Variants in PDE10A observed in about 807,000 individuals in gnomAD.
The protein encoded by PDE10A is cAMP and cAMP-inhibited cGMP 3',5'-cyclic phosphodiesterase 10A.
A neutral mutation model predicts 97.7 loss-of-function variants in PDE10A; 39 were observed. That is an observed-to-expected ratio of 0.40 (90% CI 0.31 to 0.52). The LOEUF is 0.52. Among genes scored for constraint, PDE10A ranks in the 20% least tolerant of loss-of-function variants. The probability of loss-of-function intolerance (pLI) is 0.56; values close to 1 mark genes in which losing one functional copy is unlikely to be tolerated. For missense variants in PDE10A, 731 were observed against 1,047.8 expected, an observed-to-expected ratio of 0.70 and a Z score of 4.17; for synonymous variants, 371 against 376.8, an observed-to-expected ratio of 0.98 and a Z score of 0.18.
chr6:165,879,406 C>T (rs1781419947), intron 1 of PDE10A, among the ~76,000 whole-genome samples: 2 of 152,360 alleles, frequency 1.3e-5, no homozygotes, highest in South Asian at 4.1e-4. Context: ...CAACCAACCT[C>T]TGTGTCTGTT....
At chr6:165,966,548 A>G (rs2043119866) in intron 1 of PDE10A, among the ~76,000 whole-genome samples, 1 of 152,242 alleles carries the variant, frequency 6.6e-6, no homozygotes, top group South Asian at 2.1e-4. Context: ...TGGGAAGCCC[A>G]CTTGCTTTTT....
chr6:165,797,952 A>C (rs1054950324), intron 1 of PDE10A, among the ~76,000 whole-genome samples: 2 of 152,198 alleles, frequency 1.3e-5, no homozygotes, highest in African/African-American at 4.8e-5. Flanking sequence ...AGCAGATTAG[A>C]TAGAACAACA....
chr6:165,727,984 T>C (rs1792340977), intron 1 of PDE10A, among the ~76,000 whole-genome samples: 1 of 152,200 alleles, frequency 6.6e-6, no homozygotes, highest in Admixed American at 6.5e-5. Context: ...TGTTTTTGTG[T>C]TAAGAAAGAC....
At chr6:165,415,897 G>GA (rs901632049) in intron 12 of PDE10A, among the ~76,000 whole-genome samples, 5 of 151,862 alleles carry the variant, frequency 3.3e-5, no homozygotes, top group East Asian at 3.9e-4. Context: ...CACTATAATG[G>GA]AAAAAAAATC....
chr6:165,752,755 C>T (rs1301681350), intron 1 of PDE10A, among the ~76,000 whole-genome samples: 1 of 152,132 alleles, frequency 6.6e-6, no homozygotes, highest in Non-Finnish European at 1.5e-5. Flanking sequence ...TTACAAAATG[C>T]TCATGTATTG....
At chr6:165,611,461 G>A (rs533366292) in intron 1 of PDE10A, among the ~76,000 whole-genome samples, 1 of 152,336 alleles carries the variant, frequency 6.6e-6, no homozygotes, top group South Asian at 2.1e-4. Context: ...TCAATGAGTG[G>A]ATACAAGCAT....
intron 1 of PDE10A, among the ~76,000 whole-genome samples, chr6:165,736,332 G>C (rs1476312210): frequency 6.6e-6 from 1 of 152,156 alleles, no homozygotes; most frequent in Non-Finnish European, 1.5e-5. Context: ...AAGGAATCCA[G>C]GTGAGAAATA....
chr6:165,806,275 C>G (rs1245483231), intron 1 of PDE10A, among the ~76,000 whole-genome samples: 1 of 152,128 alleles, frequency 6.6e-6, no homozygotes, highest in Non-Finnish European at 1.5e-5. Context: ...CAGAGAATGA[C>G]TTCCACATGG....
intron 1 of PDE10A, among the ~76,000 whole-genome samples, chr6:165,705,871 G>T (rs570047600): frequency 6.6e-6 from 1 of 152,306 alleles, no homozygotes; most frequent in Admixed American, 6.5e-5. Context: ...AGCTAAGATT[G>T]CTTTTAATAA....
At chr6:165,902,967 C>A (rs1482356343) in intron 1 of PDE10A, among the ~76,000 whole-genome samples, 3 of 152,176 alleles carry the variant, frequency 2.0e-5, no homozygotes, top group Non-Finnish European at 1.5e-5. Flanking sequence ...TATATGTGGC[C>A]TATTTGTTAC....
At chr6:165,701,773 T>TTGCGTGTGTGTGTG (rs1198029152) in intron 1 of PDE10A, among the ~76,000 whole-genome samples, 17 of 149,922 alleles carry the variant, frequency 1.1e-4, no homozygotes, top group African/African-American at 4.2e-4. Context: ...GTGTGTATGT[T>TTGCGTGTGTGTGTG]TGCGTGTGTG....
intron 1 of PDE10A, chr6:165,718,320 G>A (rs1792078917): frequency 6.6e-6 from 1 of 152,184 alleles, no homozygotes; most frequent in Admixed American, 6.5e-5. Context: ...TTTAGTAAAT[G>A]TGCTGCTAGA....
intron 1 of PDE10A, among the ~76,000 whole-genome samples, chr6:165,905,408 G>C (rs374482782): frequency 1.3e-5 from 2 of 151,886 alleles, no homozygotes; most frequent in South Asian, 2.1e-4. Flanking sequence ...TAAAAATCTC[G>C]ATCTTTTATA....
At chr6:165,809,410 T>A (rs1779220954) in intron 1 of PDE10A, among the ~76,000 whole-genome samples, 1 of 152,188 alleles carries the variant, frequency 6.6e-6, no homozygotes, top group African/African-American at 2.4e-5. Flanking sequence ...GGGCTTTGCA[T>A]CCTCCTCACA....
At chr6:165,473,885 G>A (rs1472404154) in intron 3 of PDE10A, among the ~76,000 whole-genome samples, 1 of 152,114 alleles carries the variant, frequency 6.6e-6, no homozygotes, top group Non-Finnish European at 1.5e-5. Context: ...TCTGGTCAGT[G>A]GTTTAACAAT....
At chr6:165,452,206 C>A (rs1023031697) in intron 3 of PDE10A, among the ~76,000 whole-genome samples, 3 of 152,168 alleles carry the variant, frequency 2.0e-5, no homozygotes, top group African/African-American at 7.2e-5. Context: ...TGAATTCACC[C>A]AGAAGATGGG....
chr6:165,526,000 C>T (rs1162001888), intron 2 of PDE10A, among the ~76,000 whole-genome samples: 1 of 152,080 alleles, frequency 6.6e-6, no homozygotes, highest in Non-Finnish European at 1.5e-5. Context: ...CAGACTTTAG[C>T]CAGTTTACAG....
At chr6:165,791,138 G>C (rs1056626690) in intron 1 of PDE10A, among the ~76,000 whole-genome samples, 1 of 151,892 alleles carries the variant, frequency 6.6e-6, no homozygotes, top group African/African-American at 2.4e-5. Context: ...TGCAGAGATG[G>C]GGGTCTCACT....
chr6:165,349,035 G>C (rs1322600843), intron 18 of PDE10A, among the ~76,000 whole-genome samples: 1 of 152,150 alleles, frequency 6.6e-6, no homozygotes, highest in Non-Finnish European at 1.5e-5. Context: ...CATGAGAATA[G>C]ACTAATACAG....
Sources: allele counts gnomAD v4.1 joint callset (sites outside exome capture counted in the v4.1 genomes callset), GRCh38; gene constraint gnomAD v4.1.1; transcripts MANE v1.5; gene names NCBI Gene and HGNC (gene_info 2026-07-23, HGNC 2026-07-21).